PSG7: variants seen among roughly 807,000 people sequenced by gnomAD.
The protein encoded by PSG7 is pregnancy-specific beta-1-glycoprotein 7.
A neutral mutation model predicts 45.6 loss-of-function variants in PSG7; 57 were observed. That is an observed-to-expected ratio of 1.25 (90% confidence interval 1.01 to 1.56). The LOEUF is 1.56. Among genes scored for constraint, PSG7 ranks in the 40% most tolerant of loss-of-function variants. The pLI, the probability that PSG7 is intolerant of heterozygous loss-of-function variation, is 0.00. For synonymous variants in PSG7, 298 were observed against 194.4 expected (o/e 1.53, Z -4.43); for missense variants, 796 against 508.4 (o/e 1.57, Z -5.44).
intron 2 of PSG7, among the ~76,000 whole-genome samples, chr19:42,931,862 A>G (rs1208909418): frequency 6.6e-6 from 1 of 150,722 alleles, no homozygotes; most frequent in Non-Finnish European, 1.5e-5. Flanking sequence ...CAAAATACTA[A>G]ATATGAAGTT....
At chr19:42,932,598 G>T (rs111573589) in intron 2 of PSG7, among the ~76,000 whole-genome samples, 2 of 151,464 alleles carry the variant, frequency 1.3e-5, no homozygotes, top group East Asian at 1.9e-4. Flanking sequence ...GCAAACTAGC[G>T]TGGCTGACTC....
rs750394353 is a variant in PSG7 at position 42,929,574 on chromosome 19, A to T, written c.577T>A (p.Leu193Met). The T allele has an allele frequency of 4.3e-6, 7 of 1,612,480 alleles. No individual in the cohort carries two copies. The African/African-American group carries it at 5.4e-5, about 12-fold the overall frequency. ...NGQSLPMTHSLQLSETNRTLY... is the reference protein window; with the variant it reads ...NGQSLPMTHSMQLSETNRTLY... ...GTCCTGTTGGTTTCAGACAGCTGCA[A>T]GCTGTGAGTCATAGGGAGGCTCTGA... is the stretch of plus-strand genomic sequence containing the variant. Residue 193 changes from leucine (L) to methionine (M), a missense_variant, in exon 3 of 6, where the codon TTG (leucine) becomes ATG (methionine). Transcript: ENST00000406070.
At position 42,931,760 on chromosome 19, in the gene PSG7, G is replaced by T. The variant is rs142711990; in HGVS notation, c.431-2040C>A. 4.2e-3 allele frequency among the ~76,000 whole-genome samples: 635 copies of T among 151,454 alleles called. 7 individuals carry two copies. The highest frequency in any genetic ancestry group is 7.0e-3 in the Non-Finnish European group (478 of 67,838). ...GCACCTACCTGGCCACCTCGATCTG[G>T]TCCCCAAACCACCTGTATTCCCATT... On this transcript the variant is annotated intron_variant, in intron 2 of 5. Coordinates refer to ENST00000406070, the MANE Select transcript of PSG7 (RefSeq NM_002783.3).
chr19:42,935,871 AAGACACACACACACAC>A lies in PSG7; in HGVS notation c.65-118_65-103del, dbSNP rs1020546130. 3 of 999,594 alleles carry A rather than the reference AAGACACACACACACAC, an allele frequency of 3.0e-6. No homozygotes were observed. In the African/African-American group the frequency reaches 7.6e-5, roughly 25 times the overall value. 61.9% of individuals were successfully genotyped at this position (999,594 alleles called of 1,614,324 possible). A position where few individuals can be genotyped will look rare whatever the true frequency, so the allele number is the denominator to read the frequency against. On this transcript the variant is annotated intron_variant, in intron 1 of 5. Coordinates refer to ENST00000406070, the MANE Select transcript of PSG7 (RefSeq NM_002783.3). ...AAGGTCTCTTCAATCCTCAGCCTTG[AAGACACACACACACAC>A]ACACACACACACACACACACACACA... is the stretch of plus-strand genomic sequence containing the variant.
In PSG7 at chr19:42,924,191, A is replaced by G. The variant is rs772154626; in HGVS notation, c.*617T>C. On this transcript the variant is annotated 3_prime_UTR_variant, in exon 6 of 6. Coordinates refer to ENST00000406070, the MANE Select transcript of PSG7 (RefSeq NM_002783.3). ...ATCAGTCTTACTGTCACGTTTTACA[A>G]TGTATCTCTTAGGAAATGGTGAGAG... 4.9e-5 allele frequency: 9 copies of G among 182,136 alleles called. No individual in the cohort carries two copies. The highest frequency in any genetic ancestry group is 6.8e-5 in the Non-Finnish European group (6 of 88,390). The allele number at this position is 182,136 out of a possible 1,614,324, so 11.3% of individuals were successfully genotyped here. A position where few individuals can be genotyped will look rare whatever the true frequency, so the allele number is the denominator to read the frequency against.
intron 4 of PSG7, 67 bp downstream of exon 4, chr19:42,926,371 C>T: frequency 3.1e-6 from 5 of 1,595,428 alleles, no homozygotes; most frequent in Non-Finnish European, 3.4e-6. Flanking sequence ...GGACTGGCCT[C>T]TGGTCGTTTG....
Position 42,930,234 on chromosome 19 carries a change from G to T in PSG7, c.431-514C>A, listed in dbSNP as rs183926640. On this transcript the variant is annotated intron_variant, in intron 2 of 5. Coordinates refer to ENST00000406070, the MANE Select transcript of PSG7 (RefSeq NM_002783.3). The stretch of plus-strand genomic sequence containing the variant: ...TGGCCTGGGACTGGGTACTTCAGCA[G>T]AAATAACACAGGGGAGACCAGAGTC... Among the ~76,000 whole-genome samples, 25 of 151,760 alleles carry T rather than the reference G, an allele frequency of 1.6e-4. 1 individual carries two copies. The highest frequency in any genetic ancestry group is 4.6e-4 in the Admixed American group (7 of 15,228).
intron 3 of PSG7, 176 bp from the exon 4 acceptor site, chr19:42,926,892 GAGGCC>G: frequency 8.2e-7 from 1 of 1,212,720 alleles, no homozygotes; most frequent in Non-Finnish European, 1.1e-6. Context: ...CAAAGACTGT[GAGGCC>G]ACCTGCTCAG....
chr19:42,926,327 A>G (rs1972887333), intron 4 of PSG7, 111 bp downstream of exon 4: 4 of 1,550,130 alleles, frequency 2.6e-6, no homozygotes, highest in Non-Finnish European at 3.5e-6. Context: ...CCAGAAGTAA[A>G]TATGTCTATA....
intron 3 of PSG7, among the ~76,000 whole-genome samples, chr19:42,928,323 G>T (rs145391607): frequency 6.6e-6 from 1 of 151,520 alleles, no homozygotes; most frequent in Non-Finnish European, 1.5e-5. Context: ...TGCAAAAAAT[G>T]TTACTGGGAT....
rs992088677 is a variant in PSG7 at position 42,937,169 on chromosome 19, C to T, written c.-93G>A. On this transcript the variant is annotated 5_prime_UTR_variant, in exon 1 of 6. Transcript: ENST00000406070. ...GCTGTCAGCTGTGCTGTCCTTCCTC[C>T]TTCTGCACTGAGCCTCTTCCCGGGG... The T allele has an allele frequency of 9.9e-6, 15 of 1,516,178 alleles. 1 individual carries two copies. Among genetic ancestry groups the T allele is most frequent in the East Asian group, 2.3e-5 (1 of 43,384 alleles). The allele number at this position is 1,516,178 out of a possible 1,614,324, so 93.9% of individuals were successfully genotyped here. A position where few individuals can be genotyped will look rare whatever the true frequency, so the allele number is the denominator to read the frequency against.
intron 2 of PSG7, among the ~76,000 whole-genome samples, chr19:42,933,308 T>TATATATATATATATATATATA (rs1555745220): frequency 1.7e-4 from 2 of 11,812 alleles, no homozygotes; most frequent in Admixed American, 1.4e-3. Context: ...TATATATATA[T>TATATATATATATATATATATA]TTTTTTTTTT....
chr19:42,935,320 C>T, intron 2 of PSG7, 84 bp downstream of exon 2: 2 of 1,563,272 alleles, frequency 1.3e-6, no homozygotes, highest in Admixed American at 1.7e-5. Flanking sequence ...GACACAGGCA[C>T]AGTCCAGGCC....
Position 42,929,641 on chromosome 19 carries a change from A to C in PSG7, c.510T>G (p.Asp170Glu). Residue 170 changes from aspartate (D) to glutamate (E), a missense_variant, in exon 3 of 6, where the codon GAT becomes GAG. Transcript: ENST00000406070. ...EATEAVILTC[D>E]PETPDASYLW... The stretch of plus-strand genomic sequence containing the variant: ...GGTAGCTTGCATCTGGAGTCTCAGG[A>C]TCACAGGTTAAAATCACAGCCTCCG... 1 of 1,612,550 alleles carries C rather than the reference A, an allele frequency of 6.2e-7. No individual in the cohort carries two copies. Among genetic ancestry groups the C allele is most frequent in the Non-Finnish European group, 8.5e-7 (1 of 1,179,228 alleles).
intron 3 of PSG7, chr19:42,927,148 C>G (rs772677029): frequency 4.4e-6 from 1 of 225,686 alleles, no homozygotes; most frequent in Non-Finnish European, 8.8e-6. Context: ...CAAGGACATT[C>G]TAGAGATGAG....
Position 42,926,580 on chromosome 19 carries a change from G to C in PSG7, c.846C>G (p.Val282=), listed in dbSNP as rs1266505112. The C allele has an allele frequency of 3.7e-6, 6 of 1,610,354 alleles. No homozygotes were observed. The highest frequency in any genetic ancestry group is 4.2e-6 in the Non-Finnish European group (5 of 1,179,030). The change falls in exon 4 of 6, where the codon GTC becomes GTG. Residue 282 remains valine (V), a synonymous_variant. Coordinates refer to ENST00000406070, the MANE Select transcript of PSG7 (RefSeq NM_002783.3). The stretch of plus-strand genomic sequence containing the variant: ...CAATGCGTCGCTTTACCCTGGGACT[G>C]ACCGGGAGGCTCTGACCATTTAGCC... ...IWWLNGQSLP[V]SPRVKRRIEN...
intron 2 of PSG7, among the ~76,000 whole-genome samples, chr19:42,933,295 A>AT (rs1168854490): frequency 1.0e-3 from 12 of 11,900 alleles, no homozygotes; most frequent in East Asian, 4.4e-3. Context: ...ATATATATAT[A>AT]TATATATATA....
rs1195554650 is a variant in PSG7 at position 42,925,061 on chromosome 19, A to G, written c.1244-237T>C. On this transcript the variant is annotated intron_variant, in intron 5 of 5. Coordinates refer to ENST00000406070, the MANE Select transcript of PSG7 (RefSeq NM_002783.3). ...TGGACTATGTAGGCTCTCTTTTAAA[A>G]TTTTCTTTGCTGTAAGTTTTTATAA... 10 of 538,006 alleles carry G rather than the reference A, an allele frequency of 1.9e-5. No homozygotes were observed. In the South Asian group the frequency reaches 2.3e-4, roughly 12 times the overall value. 33.3% of individuals were successfully genotyped at this position (538,006 alleles called of 1,614,324 possible).
At chr19:42,931,692 AG>A (rs1337792581) in intron 2 of PSG7, among the ~76,000 whole-genome samples, 1 of 151,438 alleles carries the variant, frequency 6.6e-6, no homozygotes, top group African/African-American at 2.4e-5. Flanking sequence ...CATCATCATG[AG>A]GAAACAGTTG....
Sources: gnomAD v4.1 joint callset for allele counts (sites outside exome capture counted in the v4.1 genomes callset) on GRCh38, gnomAD v4.1.1 for gene constraint, MANE v1.5 for transcripts, NCBI Gene and HGNC (gene_info 2026-07-23, HGNC 2026-07-21) for gene names.